The following LRBA variants were observed in gnomAD, a reference collection of about 807,000 sequenced individuals.
LRBA encodes the protein lipopolysaccharide-responsive and beige-like anchor protein.
Under a neutral mutation model 330.0 loss-of-function variants are expected in LRBA, and 176 were observed. That is an observed-to-expected ratio of 0.53 (90% CI 0.47 to 0.60). LRBA has a LOEUF of 0.60. Among genes scored for constraint, LRBA ranks in the 20% least tolerant of loss-of-function variants. The pLI is 0.00. For synonymous variants in LRBA, 1,230 were observed against 1,193.0 expected, an observed-to-expected ratio of 1.03 and a Z score of -0.64; for missense variants, 3,259 against 3,444.8, an observed-to-expected ratio of 0.95 and a Z score of 1.35.
chr4:150,490,003 T>G (rs1195255034), intron 41 of LRBA, among the ~76,000 whole-genome samples: 1 of 151,402 alleles, frequency 6.6e-6, no homozygotes, highest in Non-Finnish European at 1.5e-5. Context: ...ATTCTAAGAT[T>G]GAAGCTCCTT....
chr4:150,654,211 G>C (rs1019033038), intron 37 of LRBA, among the ~76,000 whole-genome samples: 1 of 152,152 alleles, frequency 6.6e-6, no homozygotes, highest in Non-Finnish European at 1.5e-5. Flanking sequence ...TGTTGAGACA[G>C]AGTCTTACTC....
intron 37 of LRBA, among the ~76,000 whole-genome samples, chr4:150,640,104 G>A (rs759463746): frequency 2.0e-5 from 3 of 151,342 alleles, no homozygotes; most frequent in African/African-American, 4.9e-5. Context: ...CAATCGACCC[G>A]CCTTGGCCTC....
intron 4 of LRBA, among the ~76,000 whole-genome samples, chr4:150,928,011 A>G (rs2149507451): frequency 6.6e-6 from 1 of 152,330 alleles, no homozygotes; most frequent in African/African-American, 2.4e-5. Flanking sequence ...ACAGATAACT[A>G]TATGGTGGAA....
At chr4:150,775,859 C>T (rs1341825074) in intron 34 of LRBA, among the ~76,000 whole-genome samples, 5 of 101,682 alleles carry the variant, frequency 4.9e-5, no homozygotes, top group Non-Finnish European at 9.6e-5. Flanking sequence ...AGAGGAAGGA[C>T]GAGTAAGGGA....
intron 30 of LRBA, among the ~76,000 whole-genome samples, chr4:150,819,850 T>C (rs1426980601): frequency 6.6e-6 from 1 of 152,076 alleles, no homozygotes; most frequent in Non-Finnish European, 1.5e-5. Flanking sequence ...GTTCAGTAAA[T>C]ATTTATTGTC....
intron 46 of LRBA, among the ~76,000 whole-genome samples, chr4:150,426,638 A>G (rs1276318757): frequency 6.6e-6 from 1 of 151,876 alleles, no homozygotes; most frequent in Non-Finnish European, 1.5e-5. Flanking sequence ...TTACAGACTC[A>G]ACTTGCCTAA....
rs184661156 is a variant in LRBA at position 150,623,846 on chromosome 4, A to G, written c.5922-24715T>C. 4.1e-3 allele frequency among the ~76,000 whole-genome samples: 629 copies of G among 152,154 alleles called. 5 individuals are homozygous for G. Among genetic ancestry groups the G allele is most frequent in the African/African-American group, 0.015 (607 of 41,540 alleles). ...TTTAAAATAATATCCACAGCACTCT[A>G]TTTTTTATTTTATGTTATTATTATT... On this transcript the variant is annotated intron_variant, in intron 37 of 56. Coordinates refer to ENST00000651943, the MANE Select transcript of LRBA (RefSeq NM_001364905.1).
chr4:150,523,439 A>G (rs1429916166), intron 40 of LRBA, among the ~76,000 whole-genome samples: 1 of 152,110 alleles, frequency 6.6e-6, no homozygotes, highest in East Asian at 1.9e-4. Context: ...AGCAGCCCTC[A>G]CCAGACACAA....
Position 150,817,233 on chromosome 4 carries a change from C to G in LRBA, c.5196G>C (p.Lys1732Asn). 6.2e-7 allele frequency: 1 copy of G among 1,612,068 alleles called. No homozygotes were observed. Among genetic ancestry groups the G allele is most frequent in the Non-Finnish European group, 8.5e-7 (1 of 1,178,662 alleles). ...TAAAGGTGGAAGGTGAGACTGCTGA[C>G]TTTTTTGCTGCAACAATGACACTTC... Reference protein sequence around the residue: ...FDRSVIVAAKKSAVSPSTFNT... With the variant: ...FDRSVIVAAKNSAVSPSTFNT... The change falls in exon 31 of 57, where the codon AAG becomes AAC. Residue 1732 changes from lysine to asparagine, a missense_variant. Lys to Asn is a moderately conservative substitution (Grantham distance 94). Coordinates refer to ENST00000651943, the MANE Select transcript of LRBA (RefSeq NM_001364905.1).
intron 53 of LRBA, among the ~76,000 whole-genome samples, chr4:150,292,598 A>C (rs1035287047): frequency 6.6e-6 from 1 of 152,326 alleles, no homozygotes; most frequent in East Asian, 1.9e-4. Context: ...AAAATCACAT[A>C]TCCCACTTGT....
At chr4:150,800,527 C>CA (rs1328939497) in intron 33 of LRBA, among the ~76,000 whole-genome samples, 1 of 151,954 alleles carries the variant, frequency 6.6e-6, no homozygotes, top group Non-Finnish European at 1.5e-5. Flanking sequence ...ATCACATGTG[C>CA]AAAAAAACAA....
At chr4:150,467,443 C>A (rs891344109) in intron 44 of LRBA, among the ~76,000 whole-genome samples, 1 of 152,060 alleles carries the variant, frequency 6.6e-6, no homozygotes, top group Non-Finnish European at 1.5e-5. Context: ...GCAATGCTTA[C>A]TAAATTAATG....
intron 35 of LRBA, among the ~76,000 whole-genome samples, chr4:150,735,868 A>G (rs1441461284): frequency 6.6e-6 from 1 of 152,228 alleles, no homozygotes; most frequent in Non-Finnish European, 1.5e-5. Context: ...CAAGAGTTAC[A>G]GCAGGAATCA....
intron 40 of LRBA, among the ~76,000 whole-genome samples, chr4:150,575,898 A>T (rs895229413): frequency 2.0e-5 from 3 of 151,890 alleles, no homozygotes; most frequent in African/African-American, 7.2e-5. Flanking sequence ...ATTTTCTTTA[A>T]CACTTAAATT....
At chr4:150,888,146 G>A (rs148065918) in intron 17 of LRBA, among the ~76,000 whole-genome samples, 2 of 151,598 alleles carry the variant, frequency 1.3e-5, no homozygotes, top group Non-Finnish European at 2.9e-5. Context: ...AAAAAGGTAA[G>A]GAAAAAGGAA....
Position 150,286,022 on chromosome 4 carries a change from G to A in LRBA, c.8030C>T (p.Ala2677Val). The A allele has an allele frequency of 6.3e-7, 1 of 1,576,164 alleles. No homozygotes were observed. Among genetic ancestry groups the A allele is most frequent in the Non-Finnish European group, 8.6e-7 (1 of 1,160,438 alleles). The part of the protein sequence containing the change: ...IGDNPGSETA[A>V]PRAILTGHDY... ...ATGGCCGGTCAAAATGGCCCGAGGA[G>A]CAGCAGTCTCACCTTTAGGAAAAAA... Residue 2677 changes from alanine to valine, a missense_variant, in exon 54 of 57, where the codon GCT (alanine) becomes GTT (valine). Physicochemically the swap from Ala to Val is moderately conservative, Grantham distance 64. Transcript: ENST00000651943.
intron 43 of LRBA, among the ~76,000 whole-genome samples, chr4:150,470,876 C>A (rs4998826): frequency 0.31 from 43,954 of 143,300 alleles, 7,224 homozygotes; most frequent in Non-Finnish European, 0.39. Flanking sequence ...CACACACACA[C>A]CACACACTAA....
intron 34 of LRBA, among the ~76,000 whole-genome samples, chr4:150,775,860 G>A (rs913279331): frequency 9.1e-5 from 13 of 143,566 alleles, no homozygotes; most frequent in African/African-American, 3.4e-4. Context: ...GAGGAAGGAC[G>A]AGTAAGGGAA....
At chr4:150,725,410 C>T (rs1729537471) in intron 36 of LRBA, among the ~76,000 whole-genome samples, 1 of 152,140 alleles carries the variant, frequency 6.6e-6, no homozygotes, top group Admixed American at 6.5e-5. Context: ...GGAAACCTTA[C>T]AGGCCACAAG....
Sources: allele counts gnomAD v4.1 joint callset (sites outside exome capture counted in the v4.1 genomes callset), GRCh38; gene constraint gnomAD v4.1.1; transcripts MANE v1.5; gene names NCBI Gene and HGNC (gene_info 2026-07-23, HGNC 2026-07-21).